The following CCDC28A variants were observed in gnomAD, a reference collection of about 807,000 sequenced individuals.
CCDC28A encodes the protein coiled-coil domain containing 28A.
A neutral mutation model predicts 22.1 loss-of-function variants in CCDC28A; 24 were observed. That is an observed-to-expected ratio of 1.09 (90% CI 0.79 to 1.53). CCDC28A has a LOEUF of 1.53. Among genes scored for constraint, CCDC28A ranks in the 40% most tolerant of loss-of-function variants. The probability of loss-of-function intolerance (pLI) is 0.00; values close to 1 mark genes in which losing one functional copy is unlikely to be tolerated. For missense variants in CCDC28A, 170 were observed against 210.7 expected, an observed-to-expected ratio of 0.81 and a Z score of 1.20; for synonymous variants, 83 against 74.7, an observed-to-expected ratio of 1.11 and a Z score of -0.57.
At chr6:138,784,489 C>G (rs1436795793) in intron 3 of CCDC28A, among the ~76,000 whole-genome samples, 2 of 151,392 alleles carry the variant, frequency 1.3e-5, no homozygotes, top group Non-Finnish European at 2.9e-5. Context: ...TAGCTGGGAC[C>G]AGAGGCATGC....
Position 138,785,172 on chromosome 6 carries a change from A to G in CCDC28A, c.323-55A>G, listed in dbSNP as rs78283939. On this transcript the variant is annotated intron_variant, in intron 3 of 5. Transcript: ENST00000617445. ...CCTAGAGTTTAAGTGTTTTTACTCA[A>G]TGCTGTTAGTTTGAACTGTCCTAAT... 5,774 of 1,294,914 alleles carry G rather than the reference A, an allele frequency of 4.5e-3. 185 individuals are homozygous for G. In the African/African-American group the frequency reaches 0.073, roughly 16 times the overall value. 80.2% of individuals were successfully genotyped at this position (1,294,914 alleles called of 1,614,324 possible).
chr6:138,790,396 C>T (rs971733277), intron 5 of CCDC28A, among the ~76,000 whole-genome samples: 22 of 152,192 alleles, frequency 1.4e-4, no homozygotes, highest in Non-Finnish European at 2.8e-4. Context: ...GTGGTCTGCC[C>T]GCCTTGGCCT....
intron 5 of CCDC28A, 31 bp downstream of exon 5, chr6:138,788,419 GT>G (rs1011451621): frequency 4.2e-5 from 47 of 1,119,940 alleles, no homozygotes; most frequent in Non-Finnish European, 5.6e-5. Flanking sequence ...ACAGTGAAAA[GT>G]TTACAACTTA....
At position 138,792,791 on chromosome 6, in the gene CCDC28A, T is replaced by G; in HGVS notation, c.543T>G (p.Thr181=). 1 of 1,607,774 alleles carries G rather than the reference T, an allele frequency of 6.2e-7. No individual in the cohort carries two copies. The highest frequency in any genetic ancestry group is 2.2e-5 in the East Asian group (1 of 44,838). The change falls in exon 6 of 6, where the codon ACT becomes ACG. Residue 181 remains threonine (T), a synonymous_variant. Coordinates refer to ENST00000617445, the MANE Select transcript of CCDC28A (RefSeq NM_015439.3). ...CAGATGCACAAGATGTTCCAAATAC[T>G]TCTGCTAGCTAAAATGAAATGTAGT... The part of the protein sequence containing the change: ...HLADAQDVPN[T]SAS
chr6:138,777,247 G>A (rs1188083170), intron 2 of CCDC28A, among the ~76,000 whole-genome samples: 3 of 152,176 alleles, frequency 2.0e-5, no homozygotes, highest in African/African-American at 7.2e-5. Flanking sequence ...TGAGATTACT[G>A]CCTTGATGAT....
At position 138,773,778 on chromosome 6, in the gene CCDC28A, C is replaced by T. The variant is rs201032780; in HGVS notation, c.-167C>T. On this transcript the variant is annotated 5_prime_UTR_variant, in exon 1 of 6. It adds an upstream start codon to the 5' untranslated region. Coordinates refer to ENST00000617445, the MANE Select transcript of CCDC28A (RefSeq NM_015439.3). ...CTCTTACGTCACTTCCGTAAACAAA[C>T]GGAGCTGCGGAGGAGCGGGTCCCGG... The T allele has an allele frequency of 1.1e-5, 17 of 1,612,826 alleles. No individual in the cohort carries two copies. Among genetic ancestry groups the T allele is most frequent in the East Asian group, 2.2e-5 (1 of 44,882 alleles).
At position 138,788,469 on chromosome 6, in the gene CCDC28A, A is replaced by T. The variant is rs371370961; in HGVS notation, c.500+81A>T. 48 of 644,618 alleles carry T rather than the reference A, an allele frequency of 7.4e-5. 1 individual carries two copies. The highest frequency in any genetic ancestry group is 3.9e-4 in the Admixed American group (13 of 33,044). The allele number at this position is 644,618 out of a possible 1,614,324, so 39.9% of individuals were successfully genotyped here. A position where few individuals can be genotyped will look rare whatever the true frequency, so the allele number is the denominator to read the frequency against. On this transcript the variant is annotated intron_variant, in intron 5 of 5. Transcript: ENST00000617445. ...ATAATCTCGATCAAGTTTTAGAAAGATGTGTTATTTAGATATGGTGGAAAA... is the reference window on the plus strand; with the variant it reads ...ATAATCTCGATCAAGTTTTAGAAAGTTGTGTTATTTAGATATGGTGGAAAA...
chr6:138,793,309 T>C lies in CCDC28A; in HGVS notation c.*506T>C, dbSNP rs1020862180. The C allele has an allele frequency of 2.6e-5, 4 of 153,960 alleles. No homozygotes were observed. Among genetic ancestry groups the C allele is most frequent in the African/African-American group, 9.6e-5 (4 of 41,460 alleles). 9.5% of individuals were successfully genotyped at this position (153,960 alleles called of 1,614,324 possible). ...TTGCTATTTTTTAATAAAGTAATTG[T>C]TTTAAATTAATCTCTGTTGTCTGTT... is the stretch of plus-strand genomic sequence containing the variant. On this transcript the variant is annotated 3_prime_UTR_variant, in exon 6 of 6. Coordinates refer to ENST00000617445, the MANE Select transcript of CCDC28A (RefSeq NM_015439.3).
chr6:138,784,797 G>A (rs6939529), intron 3 of CCDC28A, among the ~76,000 whole-genome samples: 8,285 of 151,702 alleles, frequency 0.055, 767 homozygotes, highest in African/African-American at 0.19. Context: ...GGGTTCAAGC[G>A]ATTCTCCTGT....
At chr6:138,774,936 T>TTTTTGTTTTGTTTTG (rs369968469) in intron 1 of CCDC28A, among the ~76,000 whole-genome samples, 3,298 of 151,978 alleles carry the variant, frequency 0.022, 67 homozygotes, top group Non-Finnish European at 0.03. Flanking sequence ...GGAAGGGGTT[T>TTTTTGTTTTGTTTTG]TTTTGTTTTG....
intron 3 of CCDC28A, among the ~76,000 whole-genome samples, chr6:138,783,127 G>C (rs1463825987): frequency 6.6e-6 from 1 of 152,098 alleles, no homozygotes; most frequent in East Asian, 1.9e-4. Flanking sequence ...TGACAACTGT[G>C]TGTACAATTA....
chr6:138,792,826 T>C lies in CCDC28A; in HGVS notation c.*23T>C. ...TAAAATGAAATGTAGTTTGCTTTCT[T>C]GTGATTTGAAGAGAAGCAGCAGTCT... On this transcript the variant is annotated 3_prime_UTR_variant, in exon 6 of 6. Transcript: ENST00000617445. 6.4e-7 allele frequency: 1 copy of C among 1,563,782 alleles called. No homozygotes were observed. The highest frequency in any genetic ancestry group is 1.1e-5 in the South Asian group (1 of 89,316).
intron 3 of CCDC28A, among the ~76,000 whole-genome samples, chr6:138,784,321 C>T (rs1311735900): frequency 1.3e-5 from 2 of 150,168 alleles, no homozygotes; most frequent in East Asian, 2.0e-4. Context: ...TACATTTTCT[C>T]TACTTAAGGG....
rs182923218 is a variant in CCDC28A at position 138,780,957 on chromosome 6, C to G, written c.322+972C>G. Among the ~76,000 whole-genome samples, 417 of 152,274 alleles carry G rather than the reference C, an allele frequency of 2.7e-3. 1 individual carries two copies. The highest frequency in any genetic ancestry group is 9.6e-3 in the African/African-American group (401 of 41,564). On this transcript the variant is annotated intron_variant, in intron 3 of 5. Coordinates refer to ENST00000617445, the MANE Select transcript of CCDC28A (RefSeq NM_015439.3). ...AACTTCCCCAGTTTTTTAGAAGATGCATAATCTTATACAAATGCATAAATG... is the reference window on the plus strand; with the variant it reads ...AACTTCCCCAGTTTTTTAGAAGATGGATAATCTTATACAAATGCATAAATG...
rs1407623154 is a variant in CCDC28A, at chr6:138,773,913, G to A, written c.-43+11G>A. On this transcript the variant is annotated intron_variant, in intron 1 of 5. Coordinates refer to ENST00000617445, the MANE Select transcript of CCDC28A (RefSeq NM_015439.3). ...ACCCTTCTTCTTCAGGTATGTAGTG[G>A]AAGCAAAGGAACCTCCGCAACCTGC... 15 of 1,610,980 alleles carry A rather than the reference G, an allele frequency of 9.3e-6. No individual in the cohort carries two copies. The highest frequency in any genetic ancestry group is 1.1e-5 in the South Asian group (1 of 91,030).
intron 3 of CCDC28A, among the ~76,000 whole-genome samples, chr6:138,784,699 C>CT (rs58448983): frequency 0.077 from 11,096 of 143,338 alleles, 737 homozygotes; most frequent in African/African-American, 0.17. Context: ...CCTATATGCT[C>CT]TTTTTTTTTT....
chr6:138,773,930 G>A (rs571410170), intron 1 of CCDC28A, 28 bp downstream of exon 1: 2 of 1,607,686 alleles, frequency 1.2e-6, no homozygotes, highest in African/African-American at 1.3e-5. Context: ...AGGAACCTCC[G>A]CAACCTGCCC....
At chr6:138,791,618 T>A (rs1413450097) in intron 5 of CCDC28A, among the ~76,000 whole-genome samples, 4 of 152,180 alleles carry the variant, frequency 2.6e-5, no homozygotes, top group Non-Finnish European at 5.9e-5. Flanking sequence ...AAGAAACACA[T>A]CATGTTCATT....
intron 5 of CCDC28A, among the ~76,000 whole-genome samples, chr6:138,788,953 ATACTT>A (rs1431203366): frequency 1.3e-5 from 2 of 152,176 alleles, no homozygotes; most frequent in African/African-American, 4.8e-5. Context: ...ATAATATACT[ATACTT>A]AATATCATCA....
Sources: gnomAD v4.1 joint callset for allele counts (sites outside exome capture counted in the v4.1 genomes callset) on GRCh38, gnomAD v4.1.1 for gene constraint, MANE v1.5 for transcripts, NCBI Gene and HGNC (gene_info 2026-07-23, HGNC 2026-07-21) for gene names.